Variants in TFDP2 observed in about 807,000 individuals in gnomAD.
TFDP2 encodes transcription factor Dp-2.
In TFDP2, 17 loss-of-function variants were observed where a neutral mutation model predicts 59.3. The observed-to-expected ratio is 0.29, with a 90% CI of 0.20 to 0.43. The LOEUF (loss-of-function observed/expected upper bound fraction) is 0.43. TFDP2 is among the 20% of genes least tolerant of loss of function. The pLI, the probability that TFDP2 is intolerant of heterozygous loss-of-function variation, is 1.00. For synonymous variants in TFDP2, 180 were observed against 194.7 expected (o/e 0.92, Z 0.63); for missense variants, 391 against 528.8 (o/e 0.74, Z 2.56).
At chr3:142,065,042 C>T (rs1385497575) in intron 3 of TFDP2, among the ~76,000 whole-genome samples, 1 of 151,948 alleles carries the variant, frequency 6.6e-6, no homozygotes, top group African/African-American at 2.4e-5. Flanking sequence ...AAAATACAAA[C>T]AAGAAAAAGG....
intron 12 of TFDP2, 60 bp downstream of exon 12, chr3:141,952,851 C>G (rs781052379): frequency 6.4e-7 from 1 of 1,570,952 alleles, no homozygotes; most frequent in East Asian, 2.2e-5. Context: ...CCCGGCTCAC[C>G]CCTACACAGA....
chr3:142,067,828 C>G (rs960805610), intron 3 of TFDP2, among the ~76,000 whole-genome samples: 1 of 151,908 alleles, frequency 6.6e-6, no homozygotes, highest in African/African-American at 2.4e-5. Flanking sequence ...CAAAGTGAGA[C>G]CCTGTCTCTA....
Position 142,045,563 on chromosome 3 carries a change from AAAGTT to A in TFDP2, c.83-40024_83-40020del, listed in dbSNP as rs1036512654. Among the ~76,000 whole-genome samples the A allele has an allele frequency of 3.9e-5, 6 of 152,132 alleles. 1 individual carries two copies. The highest frequency in any genetic ancestry group is 1.2e-4 in the African/African-American group (5 of 41,520). On this transcript the variant is annotated intron_variant, in intron 3 of 12. Transcript: ENST00000489671. ...TCCAGGTTTGGTGTTTTCTAAGAAAAAAGTTAAGTAAATTCTAGGTGGTCTCTGTC... is the reference window on the plus strand; with the variant it reads ...TCCAGGTTTGGTGTTTTCTAAGAAAAAAGTAAATTCTAGGTGGTCTCTGTC...
chr3:141,961,961 T>TG (rs910633138), intron 10 of TFDP2, among the ~76,000 whole-genome samples: 3 of 151,630 alleles, frequency 2.0e-5, no homozygotes, highest in Non-Finnish European at 4.4e-5. Context: ...ACTCTTTTTT[T>TG]GGGGGGGACG....
intron 3 of TFDP2, among the ~76,000 whole-genome samples, chr3:142,031,545 T>A (rs761707507): frequency 1.3e-4 from 20 of 152,202 alleles, no homozygotes; most frequent in Admixed American, 5.2e-4. Flanking sequence ...TATGACACAG[T>A]GTGGGGAAAG....
At chr3:142,147,537 T>C (rs2063220127) in intron 1 of TFDP2, among the ~76,000 whole-genome samples, 1 of 152,212 alleles carries the variant, frequency 6.6e-6, no homozygotes, top group South Asian at 2.1e-4. Flanking sequence ...AGGAATTACA[T>C]GATCACAAAA....
intron 3 of TFDP2, among the ~76,000 whole-genome samples, chr3:142,037,101 A>G (rs1003600200): frequency 6.6e-6 from 1 of 152,238 alleles, no homozygotes; most frequent in Non-Finnish European, 1.5e-5. Context: ...TTATAAGAAT[A>G]ACTTTGGTAT....
At chr3:141,976,724 G>A (rs1391399921) in intron 7 of TFDP2, among the ~76,000 whole-genome samples, 1 of 152,032 alleles carries the variant, frequency 6.6e-6, no homozygotes, top group East Asian at 1.9e-4. Flanking sequence ...AGCTCACAAA[G>A]GGGCTTGCAG....
chr3:142,000,818 C>T (rs76973674), intron 4 of TFDP2, among the ~76,000 whole-genome samples: 10,638 of 152,264 alleles, frequency 0.07, 471 homozygotes, highest in Non-Finnish European at 0.11. Context: ...CAATACAAAA[C>T]CCAACAGGGC....
rs1038476653 is a variant in TFDP2 at position 141,971,023 on chromosome 3, A to G, written c.664-882T>C. 2.0e-5 allele frequency among the ~76,000 whole-genome samples: 3 copies of G among 151,522 alleles called. No homozygotes were observed. The East Asian group carries it at 5.8e-4, about 29-fold the overall frequency. The stretch of plus-strand genomic sequence containing the variant: ...CAGTGAGCCAAGATCATGCCACTGC[A>G]CTCCAGCCTGGACAACAAAGCAAGA... On this transcript the variant is annotated intron_variant, in intron 8 of 12. Transcript: ENST00000489671.
At chr3:142,094,865 TATTA>T (rs547361061) in intron 2 of TFDP2, among the ~76,000 whole-genome samples, 3 of 152,238 alleles carry the variant, frequency 2.0e-5, no homozygotes, top group Non-Finnish European at 4.4e-5. Context: ...AATACAGTAC[TATTA>T]ATTATCATCA....
intron 3 of TFDP2, among the ~76,000 whole-genome samples, chr3:142,072,492 C>A (rs1366988074): frequency 6.6e-6 from 1 of 152,198 alleles, no homozygotes; most frequent in Non-Finnish European, 1.5e-5. Context: ...GCAATGAGCT[C>A]ATTTAGCACT....
chr3:142,002,995 A>G (rs1447456182), intron 4 of TFDP2, among the ~76,000 whole-genome samples: 2 of 150,638 alleles, frequency 1.3e-5, no homozygotes, highest in African/African-American at 4.9e-5. Context: ...GGGGGCAAAG[A>G]GCTCCCTTCA....
At chr3:141,977,089 C>CATATATATATAT (rs1275287133) in intron 7 of TFDP2, among the ~76,000 whole-genome samples, 18 of 110,940 alleles carry the variant, frequency 1.6e-4, no homozygotes, top group African/African-American at 4.2e-4. Context: ...CAGTCATAGC[C>CATATATATATAT]ATATATATAT....
chr3:141,982,092 T>C (rs574378228), intron 6 of TFDP2, among the ~76,000 whole-genome samples: 12 of 152,250 alleles, frequency 7.9e-5, no homozygotes, highest in African/African-American at 2.9e-4. Flanking sequence ...GAAGTGTGAA[T>C]TGAGATATGT....
At chr3:142,132,121 T>C (rs987910959) in intron 1 of TFDP2, among the ~76,000 whole-genome samples, 1 of 149,840 alleles carries the variant, frequency 6.7e-6, no homozygotes, top group African/African-American at 2.5e-5. Flanking sequence ...TAAACAAATA[T>C]GGCATATATG....
chr3:142,131,167 T>C (rs749885499), intron 1 of TFDP2, among the ~76,000 whole-genome samples: 2 of 149,290 alleles, frequency 1.3e-5, no homozygotes, highest in African/African-American at 2.5e-5. Flanking sequence ...TCTATAAACA[T>C]AGACAAATTG....
chr3:142,074,627 G>A (rs1431632030), intron 3 of TFDP2, among the ~76,000 whole-genome samples: 1 of 152,046 alleles, frequency 6.6e-6, no homozygotes, highest in African/African-American at 2.4e-5. Context: ...CGAGGCAGGT[G>A]GATCACCTGA....
At chr3:141,997,587 T>C (rs546669149) in intron 4 of TFDP2, among the ~76,000 whole-genome samples, 6 of 151,758 alleles carry the variant, frequency 4.0e-5, no homozygotes, top group Admixed American at 6.6e-5. Flanking sequence ...TGGTGGCTCA[T>C]GCCTGTAATC....
Sources: allele counts gnomAD v4.1 joint callset (sites outside exome capture counted in the v4.1 genomes callset), GRCh38; gene constraint gnomAD v4.1.1; transcripts MANE v1.5; gene names NCBI Gene and HGNC (gene_info 2026-07-23, HGNC 2026-07-21).